TAMM41: variants seen among roughly 807,000 people sequenced by gnomAD.
TAMM41 encodes the protein TAM41 mitochondrial translocator assembly and maintenance homolog.
In TAMM41, 36 loss-of-function variants were observed where a neutral mutation model predicts 44.1. The observed-to-expected ratio is 0.82, with a 90% CI of 0.63 to 1.08. The LOEUF is 1.08. Among genes scored for constraint, TAMM41 ranks in the 50% least tolerant of loss-of-function variants. The probability of loss-of-function intolerance (pLI) is 0.00; values close to 1 mark genes in which losing one functional copy is unlikely to be tolerated. For synonymous variants in TAMM41, 164 were observed against 153.1 expected, an observed-to-expected ratio of 1.07 and a Z score of -0.53; for missense variants, 417 against 404.3, an observed-to-expected ratio of 1.03 and a Z score of -0.27.
the TAMM41 span, among the ~76,000 whole-genome samples, chr3:11,778,023 G>A: frequency 6.6e-6 from 1 of 152,066 alleles, no homozygotes; most frequent in African/African-American, 2.4e-5. Context: ...ACATCGTATA[G>A]TATGTGGTCT....
At chr3:11,764,276 G>A in the TAMM41 span, among the ~76,000 whole-genome samples, 1 of 151,594 alleles carries the variant, frequency 6.6e-6, no homozygotes, top group South Asian at 2.1e-4. Context: ...GATTACAGGT[G>A]TGAGCCATGG....
At chr3:11,799,879 A>G (rs2077704740) in intron 7 of TAMM41, among the ~76,000 whole-genome samples, 1 of 152,250 alleles carries the variant, frequency 6.6e-6, no homozygotes, top group Non-Finnish European at 1.5e-5. Context: ...AAACCTCATC[A>G]GACTAACAGT....
chr3:11,774,427 A>C, the TAMM41 span, among the ~76,000 whole-genome samples: 63 of 152,320 alleles, frequency 4.1e-4, no homozygotes, highest in South Asian at 0.012. Context: ...ACTGAGTGCC[A>C]GAGGGACTGT....
At chr3:11,830,241 A>C (rs920188469) in intron 3 of TAMM41, among the ~76,000 whole-genome samples, 2 of 152,122 alleles carry the variant, frequency 1.3e-5, no homozygotes, top group Non-Finnish European at 2.9e-5. Flanking sequence ...CTTTATTTAG[A>C]CCTCATCTGT....
At chr3:11,777,368 A>G in the TAMM41 span, among the ~76,000 whole-genome samples, 5 of 152,366 alleles carry the variant, frequency 3.3e-5, no homozygotes, top group South Asian at 1.0e-3. Context: ...GGCATTTCCA[A>G]AAAGGAGTTG....
chr3:11,819,196 A>G (rs1410738271), intron 4 of TAMM41, among the ~76,000 whole-genome samples: 1 of 152,218 alleles, frequency 6.6e-6, no homozygotes, highest in African/African-American at 2.4e-5. Flanking sequence ...TCTCTGGAGC[A>G]AGCTTAAAGA....
chr3:11,784,743 G>A, the TAMM41 span, among the ~76,000 whole-genome samples: 1 of 151,812 alleles, frequency 6.6e-6, no homozygotes, highest in East Asian at 1.9e-4. Context: ...AGTAACTGTA[G>A]GGACTTTGTT....
rs114832700 is a variant in TAMM41 at position 11,829,447 on chromosome 3, T to C, written c.562+267A>G. 5.0e-3 allele frequency among the ~76,000 whole-genome samples: 765 copies of C among 152,324 alleles called. 9 individuals carry two copies. The highest frequency in any genetic ancestry group is 0.017 in the African/African-American group (720 of 41,572). On this transcript the variant is annotated intron_variant, in intron 4 of 7. Coordinates refer to ENST00000455809, the MANE Select transcript of TAMM41 (RefSeq NM_001284401.2). ...CATAGGGAGTTTTCTGTATTATTCT[T>C]GAAACTTTTCTGTAAGTTTGAAATT...
chr3:11,763,597 G>A, the TAMM41 span, among the ~76,000 whole-genome samples: 2 of 152,194 alleles, frequency 1.3e-5, no homozygotes, highest in Admixed American at 6.5e-5. Context: ...CTGTGATCCT[G>A]GGTTATCTAT....
At chr3:11,823,000 G>A (rs1382356971) in intron 4 of TAMM41, among the ~76,000 whole-genome samples, 1 of 152,166 alleles carries the variant, frequency 6.6e-6, no homozygotes, top group Non-Finnish European at 1.5e-5. Flanking sequence ...AATCAGCAAT[G>A]TATGAGGGTC....
At chr3:11,757,737 C>G in the TAMM41 span, among the ~76,000 whole-genome samples, 1 of 152,210 alleles carries the variant, frequency 6.6e-6, no homozygotes, top group Non-Finnish European at 1.5e-5. Flanking sequence ...GATTTAGAAG[C>G]AATTCTGTGT....
the TAMM41 span, among the ~76,000 whole-genome samples, chr3:11,766,686 C>T: frequency 2.0e-5 from 3 of 152,052 alleles, no homozygotes; most frequent in Admixed American, 2.0e-4. Flanking sequence ...CCTGCCTCAG[C>T]CTCCCTTGTA....
chr3:11,841,934 C>A (rs187121404), intron 2 of TAMM41, among the ~76,000 whole-genome samples: 1 of 152,172 alleles, frequency 6.6e-6, no homozygotes, highest in South Asian at 2.1e-4. Context: ...GGATCTCAAC[C>A]GGAAAAGCAA....
At chr3:11,807,150 C>T (rs1349645970) in intron 7 of TAMM41, 3 of 1,292,334 alleles carry the variant, frequency 2.3e-6, no homozygotes, top group Admixed American at 7.5e-5. Context: ...ATGGGGGACC[C>T]CCTAGAGGGG....
the TAMM41 span, among the ~76,000 whole-genome samples, chr3:11,755,966 A>C: frequency 3.7e-4 from 57 of 152,228 alleles, no homozygotes; most frequent in African/African-American, 1.1e-3. Flanking sequence ...TTTGGACATC[A>C]CACAGTCTTG....
the TAMM41 span, among the ~76,000 whole-genome samples, chr3:11,751,838 T>A: frequency 1.3e-5 from 2 of 152,164 alleles, no homozygotes; most frequent in Admixed American, 1.3e-4. Context: ...TTTGCACTTA[T>A]CGATAGCCAG....
In TAMM41 at chr3:11,846,857, G is replaced by A; in HGVS notation, c.-221C>T. On this transcript the variant is annotated 5_prime_UTR_variant, in exon 1 of 8. Transcript: ENST00000455809. ...GACGCAGCCCAGATAGGCTCGGGTG[G>A]GCGGCGGTCGCACAGGCAGAGCTTC... is the stretch of plus-strand genomic sequence containing the variant. The A allele has an allele frequency of 1.8e-6, 1 of 571,344 alleles. No individual in the cohort carries two copies. Among genetic ancestry groups the A allele is most frequent in the East Asian group, 3.1e-5 (1 of 32,324 alleles). 35.4% of individuals were successfully genotyped at this position (571,344 alleles called of 1,614,324 possible).
chr3:11,820,363 G>A (rs927137708), intron 4 of TAMM41, among the ~76,000 whole-genome samples: 1 of 152,070 alleles, frequency 6.6e-6, no homozygotes, highest in African/African-American at 2.4e-5. Flanking sequence ...CACTTTCTGA[G>A]AGAAGGATTT....
the TAMM41 span, among the ~76,000 whole-genome samples, chr3:11,784,261 G>A: frequency 1.3e-5 from 2 of 152,206 alleles, no homozygotes; most frequent in Non-Finnish European, 2.9e-5. Context: ...TTGGGAGGCC[G>A]AGGAGGGCAG....
Sources: gnomAD v4.1 joint callset for allele counts (sites outside exome capture counted in the v4.1 genomes callset) on GRCh38, gnomAD v4.1.1 for gene constraint, MANE v1.5 for transcripts, NCBI Gene and HGNC (gene_info 2026-07-23, HGNC 2026-07-21) for gene names.